Variants in ARHGAP33 observed in about 807,000 individuals in gnomAD.
ARHGAP33 encodes rho GTPase-activating protein 33.
A neutral mutation model predicts 126.2 loss-of-function variants in ARHGAP33; 57 were observed. The observed-to-expected ratio is 0.45, with a 90% CI of 0.36 to 0.56. ARHGAP33 has a LOEUF of 0.56. Ranked by LOEUF, ARHGAP33 falls within the 20% of genes least tolerant of loss-of-function variation. The pLI, the probability that ARHGAP33 is intolerant of heterozygous loss-of-function variation, is 0.00. For synonymous variants in ARHGAP33, 711 were observed against 755.0 expected (o/e 0.94, Z 0.95); for missense variants, 1,500 against 1,748.3 (o/e 0.86, Z 2.53).
chr19:35,782,471 A>T lies in ARHGAP33; in HGVS notation c.1184A>T (p.Glu395Val), dbSNP rs1264888891. 1.2e-6 allele frequency: 2 copies of T among 1,613,288 alleles called. No individual in the cohort carries two copies. Among genetic ancestry groups the T allele is most frequent in the Admixed American group, 3.3e-5 (2 of 59,986 alleles). Residue 395 changes from glutamate (E) to valine (V), a missense_variant, in exon 13 of 21, where the codon GAG becomes GTG. Physicochemically the swap from Glu to Val is moderately radical, Grantham distance 121. Coordinates refer to ENST00000007510, the MANE Select transcript of ARHGAP33 (RefSeq NM_001366178.1). This position sits in a 1 kb window ranked among gnomAD's most constrained non-coding sequence, Gnocchi z 4.1. ...TCCCTCTGCAAGCTCTACTTCCGAG[A>T]GCTTCCGAACCCTCTGCTCACCTAC... Reference protein sequence around the residue: ...VSSLCKLYFRELPNPLLTYQL... With the variant: ...VSSLCKLYFRVLPNPLLTYQL...
chr19:35,776,334 ATGC>A (rs1036962529), intron 1 of ARHGAP33, among the ~76,000 whole-genome samples: 1 of 151,038 alleles, frequency 6.6e-6, no homozygotes, highest in African/African-American at 2.4e-5. Flanking sequence ...CTCTCCCACC[ATGC>A]TGCTCCCGCT....
intron 3 of ARHGAP33, 48 bp downstream of exon 3, chr19:35,777,956 C>T: frequency 1.3e-6 from 2 of 1,591,130 alleles, no homozygotes; most frequent in Non-Finnish European, 1.7e-6. Context: ...AATATCCTAC[C>T]CAACCTTGCA....
At chr19:35,784,383 C>G (rs2146729878) in intron 16 of ARHGAP33, 66 bp downstream of exon 16, 1 of 1,471,638 alleles carries the variant, frequency 6.8e-7, no homozygotes, top group Admixed American at 2.4e-5. Flanking sequence ...AGGGGGAGGG[C>G]AGGTGGGCTC....
At chr19:35,777,418 C>T (rs935241627) in intron 1 of ARHGAP33, among the ~76,000 whole-genome samples, 3 of 152,072 alleles carry the variant, frequency 2.0e-5, no homozygotes, top group Admixed American at 1.3e-4. Flanking sequence ...CCTGTTGCCC[C>T]GCCTCACGTC....
intron 16 of ARHGAP33, chr19:35,784,724 C>T (rs1331206778): frequency 3.0e-6 from 4 of 1,350,070 alleles, no homozygotes; most frequent in Non-Finnish European, 3.8e-6. Flanking sequence ...AAGCCAGAGC[C>T]GCTGCCCTCG....
intron 6 of ARHGAP33, chr19:35,779,810 G>T: frequency 2.4e-6 from 1 of 421,574 alleles, no homozygotes; most frequent in South Asian, 1.7e-5. Flanking sequence ...CTGGGGTCAA[G>T]CAATTCTCCA....
At chr19:35,783,995 G>A (rs903773705) in intron 15 of ARHGAP33, among the ~76,000 whole-genome samples, 177 bp from the exon 16 acceptor site, 1 of 151,924 alleles carries the variant, frequency 6.6e-6, no homozygotes, top group Non-Finnish European at 1.5e-5. Flanking sequence ...CACTGAGATG[G>A]GGAAGGCAGG....
rs926835984 is a variant in ARHGAP33 at position 35,784,072 on chromosome 19, A to AAT, written c.1422-98_1422-97dup. On this transcript the variant is annotated intron_variant, in intron 15 of 20. Coordinates refer to ENST00000007510, the MANE Select transcript of ARHGAP33 (RefSeq NM_001366178.1). The stretch of plus-strand genomic sequence containing the variant: ...GATCAGTTTGAGGTCAGAGGTGTTG[A>AAT]ATAGACAGTCACTGCCTCCCCTGGC... 1.5e-5 allele frequency: 16 copies of AAT among 1,033,850 alleles called. No homozygotes were observed. The African/African-American group carries it at 2.4e-4, about 16-fold the overall frequency. The allele number at this position is 1,033,850 out of a possible 1,614,324, so 64.0% of individuals were successfully genotyped here.
rs1599798793 is a variant in ARHGAP33, at chr19:35,786,015, CGCTGCTGGGT to C, written c.1943-391_1943-382del. ...TCCATCGCTACCTCACAGCCCGCCGCGCTGCTGGGTGCTGCTCTCCGACCTCTGCGGGGGG... is the reference window on the plus strand; with the variant it reads ...TCCATCGCTACCTCACAGCCCGCCGCGCTGCTCTCCGACCTCTGCGGGGGG... On this transcript the variant is annotated intron_variant, in intron 19 of 20. Coordinates refer to ENST00000007510, the MANE Select transcript of ARHGAP33 (RefSeq NM_001366178.1). This position sits in a 1 kb window ranked among gnomAD's most constrained non-coding sequence, Gnocchi z 7.0. 9 of 1,121,168 alleles carry C rather than the reference CGCTGCTGGGT, an allele frequency of 8.0e-6. No homozygotes were observed. In the East Asian group the frequency reaches 3.4e-4, roughly 43 times the overall value. 69.5% of individuals were successfully genotyped at this position (1,121,168 alleles called of 1,614,324 possible). A position where few individuals can be genotyped will look rare whatever the true frequency, so the allele number is the denominator to read the frequency against.
intron 12 of ARHGAP33, among the ~76,000 whole-genome samples, 163 bp downstream of exon 12, chr19:35,781,415 G>A (rs1971769989): frequency 6.6e-6 from 1 of 152,196 alleles, no homozygotes; most frequent in African/African-American, 2.4e-5. Flanking sequence ...AGCAGTCTAA[G>A]CGAGGACTAT....
At position 35,781,050 on chromosome 19, in the gene ARHGAP33, C is replaced by T. The variant is rs1393917934; in HGVS notation, c.960C>T (p.His320=). Residue 320 remains histidine (H), a synonymous_variant, in exon 11 of 21, where the codon CAC becomes CAT. Transcript: ENST00000007510. ...QRVFGCDLGE[H]LSNSGQDVPQ... is the part of the protein sequence containing the mutation. ...TGTTTGGCTGCGATCTTGGCGAGCACCTCAGCAACTCAGGCCAGGATGGTG... is the reference window on the plus strand; with the variant it reads ...TGTTTGGCTGCGATCTTGGCGAGCATCTCAGCAACTCAGGCCAGGATGGTG... 1.2e-6 allele frequency: 2 copies of T among 1,612,418 alleles called. No individual in the cohort carries two copies. Among genetic ancestry groups the T allele is most frequent in the Non-Finnish European group, 1.7e-6 (2 of 1,179,866 alleles).
chr19:35,784,883 G>A, intron 16 of ARHGAP33, 70 bp from the exon 17 acceptor site: 10 of 1,454,332 alleles, frequency 6.9e-6, no homozygotes, highest in Non-Finnish European at 9.0e-6. Context: ...CTTGGGCTGT[G>A]GCGCTTGGCT....
At position 35,787,022 on chromosome 19, in the gene ARHGAP33, C is replaced by T. The variant is rs764144014; in HGVS notation, c.2552C>T (p.Ala851Val). Reference protein sequence around the residue: ...LRGAEAPLTDACQQEMCSKLR... With the variant: ...LRGAEAPLTDVCQQEMCSKLR... ...GGAGCCGAGGCCCCGCTGACTGACG[C>T]CTGCCAGCAGGAGATGTGCAGCAAG... The change falls in exon 20 of 21, where the codon GCC becomes GTC. Residue 851 changes from alanine to valine, a missense_variant. Coordinates refer to ENST00000007510, the MANE Select transcript of ARHGAP33 (RefSeq NM_001366178.1). 5.0e-6 allele frequency: 8 copies of T among 1,609,592 alleles called. No homozygotes were observed. The highest frequency in any genetic ancestry group is 6.8e-6 in the Non-Finnish European group (8 of 1,177,966).
rs749191419 is a variant in ARHGAP33, at chr19:35,786,734, C to T, written c.2264C>T (p.Pro755Leu). 6.5e-7 allele frequency: 1 copy of T among 1,527,718 alleles called. No homozygotes were observed. Among genetic ancestry groups the T allele is most frequent in the South Asian group, 1.2e-5 (1 of 82,864 alleles). The allele number at this position is 1,527,718 out of a possible 1,614,324, so 94.6% of individuals were successfully genotyped here. Residue 755 changes from proline (P) to leucine (L), a missense_variant, in exon 20 of 21, where the codon CCC (proline) becomes CTC (leucine). By Grantham distance (98) the Pro-to-Leu change is moderately conservative (BLOSUM62 -3). This residue lies in a region of ARHGAP33 where 73 missense variants were observed against 110.8 expected (regional missense o/e 0.66). Coordinates refer to ENST00000007510, the MANE Select transcript of ARHGAP33 (RefSeq NM_001366178.1). This position sits in a 1 kb window ranked among gnomAD's most constrained non-coding sequence, Gnocchi z 7.0. ...TGCAGCAGCCCCACCCCAGGGGATC[C>T]CGCACCTCCCGCCAGCCCAGCACCC... Reference protein sequence around the residue: ...FRCSSPTPGDPAPPASPAPPA... With the variant: ...FRCSSPTPGDLAPPASPAPPA...
Position 35,780,651 on chromosome 19 carries a change from A to G in ARHGAP33, c.769+3A>G. On this transcript the variant is annotated splice_donor_region_variant and intron_variant, in intron 9 of 20. Coordinates refer to ENST00000007510, the MANE Select transcript of ARHGAP33 (RefSeq NM_001366178.1). ...GCCAGGTCCGGGCCTGAAGGCGGGT[A>G]AGTGCCATGGATGGATGGGAGGTGT... The G allele has an allele frequency of 7.4e-7, 1 of 1,349,340 alleles. No individual in the cohort carries two copies. Among genetic ancestry groups the G allele is most frequent in the Non-Finnish European group, 1.0e-6 (1 of 999,778 alleles). 83.6% of individuals were successfully genotyped at this position (1,349,340 alleles called of 1,614,324 possible). A position where few individuals can be genotyped will look rare whatever the true frequency, so the allele number is the denominator to read the frequency against.
chr19:35,785,927 A>C, intron 19 of ARHGAP33: 1 of 1,057,512 alleles, frequency 9.5e-7, no homozygotes. Flanking sequence ...CCATTTTGGA[A>C]ACTTGATTTA....
intron 15 of ARHGAP33, among the ~76,000 whole-genome samples, chr19:35,783,587 G>A (rs1971921395): frequency 6.6e-6 from 1 of 152,158 alleles, no homozygotes; most frequent in Admixed American, 6.5e-5. Flanking sequence ...TGGAGGAGCT[G>A]CAGGGAGGCC....
chr19:35,775,689 C>T, intron 1 of ARHGAP33, 25 bp downstream of exon 1: 3 of 1,537,282 alleles, frequency 2.0e-6, no homozygotes, highest in Non-Finnish European at 2.6e-6. Context: ...CGGCCGTCAG[C>T]CTGTCCGTCC....
intron 19 of ARHGAP33, chr19:35,785,836 A>C: frequency 8.6e-7 from 1 of 1,168,410 alleles, no homozygotes; most frequent in Admixed American, 4.5e-5. Flanking sequence ...CATCCTCTCA[A>C]TTTGCAGACT....
Sources: gnomAD v4.1 joint callset for allele counts (sites outside exome capture counted in the v4.1 genomes callset) on GRCh38, gnomAD v4.1.1 for gene constraint, gnomAD v4.1.1 regional missense constraint, Gnocchi (gnomAD v3.1) non-coding constraint, MANE v1.5 for transcripts, NCBI Gene and HGNC (gene_info 2026-07-23, HGNC 2026-07-21) for gene names.